The following NELL1 variants were observed in gnomAD, a reference collection of about 807,000 sequenced individuals.
NELL1 encodes the protein neural EGFL like 1.
In NELL1, 76 loss-of-function variants were observed where a neutral mutation model predicts 107.4. That is an observed-to-expected ratio of 0.71 (90% CI 0.59 to 0.86). The LOEUF is 0.86. Among genes scored for constraint, NELL1 ranks in the 40% least tolerant of loss-of-function variants. NELL1 has a pLI of 0.00. For missense variants in NELL1, 1,024 were observed against 1,005.5 expected (o/e 1.02, Z -0.25); for synonymous variants, 353 against 341.2 (o/e 1.03, Z -0.38).
At chr11:20,962,630 C>T (rs1851313048) in intron 12 of NELL1, among the ~76,000 whole-genome samples, 2 of 152,196 alleles carry the variant, frequency 1.3e-5, no homozygotes, top group Admixed American at 1.3e-4. Flanking sequence ...AGACTGGCTC[C>T]ATGAGGAGCC....
At chr11:21,522,845 T>C (rs1855763229) in intron 15 of NELL1, among the ~76,000 whole-genome samples, 2 of 129,838 alleles carry the variant, frequency 1.5e-5, no homozygotes, top group African/African-American at 5.7e-5. Flanking sequence ...TTTTTTTTTT[T>C]TTTTTTTTTT....
In NELL1 at chr11:21,429,962, G is replaced by A. The variant is rs548473006; in HGVS notation, c.1645+59014G>A. Among the ~76,000 whole-genome samples the A allele has an allele frequency of 2.6e-5, 4 of 152,282 alleles. No individual in the cohort carries two copies. In the East Asian group the frequency reaches 7.7e-4, roughly 29 times the overall value. On this transcript the variant is annotated intron_variant, in intron 15 of 19. Transcript: ENST00000357134. ...AAGAATAGCCTCTAAATATCTTAGA[G>A]GGTTGTGGTGAAGATTAAATAACAA...
At chr11:21,060,987 G>T (rs950335596) in intron 12 of NELL1, among the ~76,000 whole-genome samples, 1 of 152,142 alleles carries the variant, frequency 6.6e-6, no homozygotes, top group Admixed American at 6.5e-5. Context: ...CGCCTGCCTC[G>T]GCATCCCAAA....
intron 15 of NELL1, among the ~76,000 whole-genome samples, chr11:21,391,205 A>G (rs77290038): frequency 0.019 from 2,815 of 151,852 alleles, 85 homozygotes; most frequent in African/African-American, 0.064. Flanking sequence ...CACATTTTTT[A>G]GTACAACTTT....
chr11:20,918,122 A>G (rs919658024), intron 5 of NELL1, 60 bp from the exon 6 acceptor site: 4 of 894,342 alleles, frequency 4.5e-6, no homozygotes, highest in African/African-American at 1.6e-5. Context: ...GTGATTGCAT[A>G]GGGGACATTT....
At chr11:21,051,180 A>G (rs1298622496) in intron 12 of NELL1, among the ~76,000 whole-genome samples, 1 of 152,208 alleles carries the variant, frequency 6.6e-6, no homozygotes, top group Non-Finnish European at 1.5e-5. Flanking sequence ...TGGCATACAT[A>G]TACCATGGAA....
intron 12 of NELL1, among the ~76,000 whole-genome samples, chr11:20,971,762 G>A (rs1025877918): frequency 2.0e-5 from 3 of 152,108 alleles, no homozygotes; most frequent in African/African-American, 7.2e-5. Context: ...AAATTAGTGT[G>A]CTAATACTTA....
intron 3 of NELL1, among the ~76,000 whole-genome samples, chr11:20,795,515 A>C (rs542540479): frequency 1.3e-5 from 2 of 152,328 alleles, no homozygotes; most frequent in East Asian, 3.9e-4. Context: ...TTCGGATTCA[A>C]ATGTGTTAAT....
chr11:20,874,978 C>T (rs192210782), intron 4 of NELL1, among the ~76,000 whole-genome samples: 11 of 152,300 alleles, frequency 7.2e-5, no homozygotes, highest in African/African-American at 2.4e-4. Flanking sequence ...AATGCCCTCA[C>T]AATCTTTTCT....
chr11:21,205,634 G>C (rs927345219), intron 13 of NELL1, among the ~76,000 whole-genome samples: 7 of 152,140 alleles, frequency 4.6e-5, no homozygotes, highest in Non-Finnish European at 8.8e-5. Flanking sequence ...GTTCTGTCTT[G>C]CCGGTGTTCC....
intron 15 of NELL1, among the ~76,000 whole-genome samples, chr11:21,527,305 C>T (rs970278492): frequency 6.6e-6 from 1 of 152,154 alleles, no homozygotes; most frequent in African/African-American, 2.4e-5. Context: ...TTTAATCAGT[C>T]TCTAGGAAGT....
At chr11:21,280,958 T>G (rs896232834) in intron 14 of NELL1, among the ~76,000 whole-genome samples, 1 of 151,928 alleles carries the variant, frequency 6.6e-6, no homozygotes, top group African/African-American at 2.4e-5. Flanking sequence ...ACAGGCAACC[T>G]ATTGAGACAC....
intron 12 of NELL1, among the ~76,000 whole-genome samples, chr11:20,960,961 C>T (rs1013617619): frequency 6.6e-6 from 1 of 152,174 alleles, no homozygotes; most frequent in Non-Finnish European, 1.5e-5. Flanking sequence ...GACATTAACT[C>T]ATACTAGGCT....
intron 2 of NELL1, among the ~76,000 whole-genome samples, chr11:20,724,984 A>G (rs1855476574): frequency 6.6e-6 from 1 of 152,220 alleles, no homozygotes; most frequent in Admixed American, 6.5e-5. Context: ...ACATGTTGGC[A>G]GGAGAGAAAG....
At chr11:20,938,908 GTCTCTCTCTCTC>G (rs71443766) in intron 10 of NELL1, among the ~76,000 whole-genome samples, 13 of 144,624 alleles carry the variant, frequency 9.0e-5, no homozygotes, top group African/African-American at 1.1e-4. Context: ...TTCTCTCTCT[GTCTCTCTCTCTC>G]TCTCTCTCTC....
chr11:21,177,605 A>G (rs913953988), intron 13 of NELL1, among the ~76,000 whole-genome samples: 5 of 151,830 alleles, frequency 3.3e-5, no homozygotes, highest in African/African-American at 1.2e-4. Flanking sequence ...CTTTGACATA[A>G]TGATTTCAAT....
rs576119060 is a variant in NELL1 at position 20,833,676 on chromosome 11, A to T, written c.336-13907A>T. Among the ~76,000 whole-genome samples the T allele has an allele frequency of 7.2e-5, 11 of 152,258 alleles. No individual in the cohort carries two copies. The East Asian group carries it at 1.4e-3, about 19-fold the overall frequency. On this transcript the variant is annotated intron_variant, in intron 3 of 19. Coordinates refer to ENST00000357134, the MANE Select transcript of NELL1 (RefSeq NM_006157.5). ...GAAGGAAAGGAGCATATTCTTATTT[A>T]AAAAAACCCTATGTGGTGGTGGGGA...
intron 12 of NELL1, among the ~76,000 whole-genome samples, chr11:20,972,345 G>A (rs544568092): frequency 1.3e-5 from 2 of 152,216 alleles, no homozygotes; most frequent in East Asian, 3.9e-4. Context: ...TATTGTTCAG[G>A]GTGTGTGTCA....
chr11:21,045,976 T>G (rs1853343866), intron 12 of NELL1, among the ~76,000 whole-genome samples: 1 of 152,186 alleles, frequency 6.6e-6, no homozygotes, highest in African/African-American at 2.4e-5. Flanking sequence ...ATATGGTGAT[T>G]ATCTTTTTCC....
Sources: gnomAD v4.1 joint callset for allele counts (sites outside exome capture counted in the v4.1 genomes callset) on GRCh38, gnomAD v4.1.1 for gene constraint, MANE v1.5 for transcripts, NCBI Gene and HGNC (gene_info 2026-07-23, HGNC 2026-07-21) for gene names.